Variants in GPC4 observed in about 807,000 individuals in gnomAD.
The protein encoded by GPC4 is glypican-4.
Under a neutral mutation model 35.0 loss-of-function variants are expected in GPC4, and 10 were observed. The observed-to-expected ratio is 0.29, with a 90% CI of 0.18 to 0.48. The LOEUF is 0.48. Among genes scored for constraint, GPC4 ranks in the 20% least tolerant of loss-of-function variants. The pLI, the probability that GPC4 is intolerant of heterozygous loss-of-function variation, is 0.99. For missense variants in GPC4, 322 were observed against 451.3 expected (o/e 0.71, Z 2.60); for synonymous variants, 167 against 170.2 (o/e 0.98, Z 0.15).
chrX:133,410,944 A>G (rs1164434203), intron 1 of GPC4, among the ~76,000 whole-genome samples: 1 of 112,235 alleles, frequency 8.9e-6, no homozygotes, highest in African/African-American at 3.2e-5. Context: ...GATGATTCCA[A>G]CAAAACAGGA....
In GPC4 at chrX:133,414,889, T is replaced by G; in HGVS notation, c.77A>C (p.Lys26Thr). The G allele has an allele frequency of 8.3e-7, 1 of 1,211,918 alleles. No individual in the cohort carries two copies. Among genetic ancestry groups the G allele is most frequent in the Non-Finnish European group, 1.1e-6 (1 of 895,460 alleles). ...TCGCACTTCCGAGCAACTTTTCGAC[T>G]TGAGCTCGGCAGCCAGCAGCGCGGC... is the stretch of plus-strand genomic sequence containing the variant. ...LSAALLAAEL[K>T]SKSCSEVRRL... Residue 26 changes from lysine to threonine, a missense_variant, in exon 1 of 9, where the codon AAG becomes ACG. Coordinates refer to ENST00000370828, the MANE Select transcript of GPC4 (RefSeq NM_001448.3).
chrX:133,328,950 T>C (rs773961073), intron 2 of GPC4, among the ~76,000 whole-genome samples: 1 of 112,238 alleles, frequency 8.9e-6, no homozygotes, highest in Non-Finnish European at 1.9e-5. Context: ...ATTTGAAATA[T>C]AGTGTCTGTG....
intron 1 of GPC4, among the ~76,000 whole-genome samples, chrX:133,349,442 T>C (rs1372433299): frequency 1.8e-5 from 2 of 112,548 alleles, no homozygotes; most frequent in African/African-American, 6.5e-5. Flanking sequence ...GCCACAGCCA[T>C]TTAGAATTCA....
intron 1 of GPC4, among the ~76,000 whole-genome samples, chrX:133,392,716 C>T (rs1242124333): frequency 2.8e-5 from 3 of 108,319 alleles, no homozygotes; most frequent in Non-Finnish European, 3.8e-5. Flanking sequence ...ATTTGTCAGA[C>T]AGCCCCAAAA....
chrX:133,353,230 G>C (rs1269496143), intron 1 of GPC4, among the ~76,000 whole-genome samples: 1 of 111,623 alleles, frequency 9.0e-6, no homozygotes, highest in Non-Finnish European at 1.9e-5. Flanking sequence ...GAATGAAACG[G>C]CTGCATCTTA....
At chrX:133,375,710 C>T (rs1334593161) in intron 1 of GPC4, among the ~76,000 whole-genome samples, 2 of 111,790 alleles carry the variant, frequency 1.8e-5, no homozygotes, top group East Asian at 2.8e-4. Flanking sequence ...GAAAAGCATA[C>T]TTTTTCTTTT....
chrX:133,407,110 T>C (rs951885509), intron 1 of GPC4, among the ~76,000 whole-genome samples: 1 of 109,369 alleles, frequency 9.1e-6, no homozygotes, highest in African/African-American at 3.4e-5. Flanking sequence ...ACACACACAT[T>C]CATCCATCCA....
chrX:133,388,981 G>C (rs1273562184), intron 1 of GPC4, among the ~76,000 whole-genome samples: 7 of 86,747 alleles, frequency 8.1e-5, no homozygotes, highest in African/African-American at 3.5e-4. Context: ...TTTTGAGACA[G>C]GGTACGAGTC....
At chrX:133,389,592 C>A (rs936522929) in intron 1 of GPC4, among the ~76,000 whole-genome samples, 2 of 111,206 alleles carry the variant, frequency 1.8e-5, no homozygotes, top group Admixed American at 9.5e-5. Flanking sequence ...GCGGGCGAGA[C>A]GAGAAGACAG....
intron 1 of GPC4, among the ~76,000 whole-genome samples, chrX:133,345,903 G>C (rs891850440): frequency 8.9e-6 from 1 of 112,126 alleles, no homozygotes; most frequent in Non-Finnish European, 1.9e-5. Flanking sequence ...AGGAAAGAAT[G>C]AAACAACAAA....
In GPC4 at chrX:133,342,498, A is replaced by G. The variant is rs186948758; in HGVS notation, c.161-3157T>C. On this transcript the variant is annotated intron_variant, in intron 1 of 8. Coordinates refer to ENST00000370828, the MANE Select transcript of GPC4 (RefSeq NM_001448.3). ...CTGCTGGCAAAGTCGTCTGCCCCTC[A>G]GTGCAAAGTTCACACTTTGGGCCAT... Among the ~76,000 whole-genome samples, 4 of 112,046 alleles carry G rather than the reference A, an allele frequency of 3.6e-5. No homozygotes were observed. The East Asian group carries it at 1.1e-3, about 32-fold the overall frequency.
At chrX:133,410,091 G>A (rs1040023525) in intron 1 of GPC4, among the ~76,000 whole-genome samples, 1 of 111,473 alleles carries the variant, frequency 9.0e-6, no homozygotes, top group African/African-American at 3.3e-5. Context: ...CTATGTCTGG[G>A]TTTGACATTT....
At chrX:133,393,992 C>T (rs201946472) in intron 1 of GPC4, among the ~76,000 whole-genome samples, 6 of 111,301 alleles carry the variant, frequency 5.4e-5, no homozygotes, top group African/African-American at 9.8e-5. Context: ...ATATGCACAC[C>T]GGGCACAGAG....
intron 1 of GPC4, among the ~76,000 whole-genome samples, chrX:133,407,772 G>A (rs767707156): frequency 8.9e-6 from 1 of 112,467 alleles, no homozygotes; most frequent in East Asian, 2.8e-4. Context: ...TTTGTATTTT[G>A]TGAAAGATGC....
chrX:133,350,828 A>C (rs1276014598), intron 1 of GPC4, among the ~76,000 whole-genome samples: 2 of 111,716 alleles, frequency 1.8e-5, no homozygotes, highest in African/African-American at 6.5e-5. Flanking sequence ...TTAATTTTAT[A>C]ACATGAGAGA....
At position 133,303,309 on chromosome X, in the gene GPC4, G is replaced by A. The variant is rs1048369; in HGVS notation, c.1325C>T (p.Ala442Val). 0.31 allele frequency: 376,821 copies of A among 1,206,963 alleles called. 42,163 individuals are homozygous for A. Among genetic ancestry groups the A allele is most frequent in the African/African-American group, 0.6 (33,931 of 56,582 alleles). Reference sequence around the variant, plus strand: ...GACCTCTGGGTTGTTGCCCTGGTTGGCTAATCCATTTCCTGTCACTGCAAA... The same window carrying A: ...GACCTCTGGGTTGTTGCCCTGGTTGACTAATCCATTTCCTGTCACTGCAAA... ...YLFAVTGNGL[A>V]NQGNNPEVQV... is the part of the protein sequence containing the mutation. The change falls in exon 8 of 9, where the codon GCC becomes GTC. Residue 442 changes from alanine (A) to valine (V), a missense_variant. Coordinates refer to ENST00000370828, the MANE Select transcript of GPC4 (RefSeq NM_001448.3).
chrX:133,397,086 A>G (rs2068746740), intron 1 of GPC4, among the ~76,000 whole-genome samples: 1 of 112,300 alleles, frequency 8.9e-6, no homozygotes, highest in Non-Finnish European at 1.9e-5. Context: ...GAGAAACACT[A>G]AAAGATTACT....
At chrX:133,323,001 G>C (rs1301030340) in intron 3 of GPC4, among the ~76,000 whole-genome samples, 1 of 111,531 alleles carries the variant, frequency 9.0e-6, no homozygotes, top group African/African-American at 3.3e-5. Context: ...GGCAGTGAAG[G>C]AGCAGTGGAA....
At chrX:133,335,601 T>C (rs188924515) in intron 2 of GPC4, among the ~76,000 whole-genome samples, 39 of 111,726 alleles carry the variant, frequency 3.5e-4, no homozygotes, top group Non-Finnish European at 4.5e-4. Context: ...GAGAAGGGAC[T>C]CATCTCTCAA....
Sources: allele counts gnomAD v4.1 joint callset (sites outside exome capture counted in the v4.1 genomes callset), GRCh38; gene constraint gnomAD v4.1.1; transcripts MANE v1.5; gene names NCBI Gene and HGNC (gene_info 2026-07-23, HGNC 2026-07-21).